Variants in DCAF8L2 observed in about 807,000 individuals in gnomAD.
The protein encoded by DCAF8L2 is DDB1 and CUL4 associated factor 8 like 2.
For missense variants in DCAF8L2, 430 were observed against 490.7 expected, an observed-to-expected ratio of 0.88 and a Z score of 1.17; for synonymous variants, 200 against 190.9, an observed-to-expected ratio of 1.05 and a Z score of -0.39.
intron 1 of DCAF8L2, among the ~76,000 whole-genome samples, chrX:27,612,660 A>C (rs1198129860): frequency 8.9e-6 from 1 of 112,077 alleles, no homozygotes; most frequent in Non-Finnish European, 1.9e-5. Flanking sequence ...AGCTTTCTAC[A>C]TGTGGCTAGC....
At chrX:27,594,530 T>C (rs1269320673) in intron 1 of DCAF8L2, among the ~76,000 whole-genome samples, 1 of 111,855 alleles carries the variant, frequency 8.9e-6, no homozygotes, top group Non-Finnish European at 1.9e-5. Flanking sequence ...ATACTATCAG[T>C]AAATACCTTT....
chrX:27,687,906 GATTTA>G lies in DCAF8L2; in HGVS notation c.-143+9999_-143+10003del, dbSNP rs754415624. ...AGCTGAAACTGTTATTAGAGTTTTAGATTTAATTTGAGTCTATATTTTAATTAAAA... is the reference window on the plus strand; with the variant it reads ...AGCTGAAACTGTTATTAGAGTTTTAGATTTGAGTCTATATTTTAATTAAAA... On this transcript the variant is annotated intron_variant, in intron 3 of 4. Transcript: ENST00000451261. Among the ~76,000 whole-genome samples, 89 of 111,622 alleles carry G rather than the reference GATTTA, an allele frequency of 8.0e-4. 1 individual carries two copies. The highest frequency in any genetic ancestry group is 2.8e-3 in the African/African-American group (85 of 30,786).
the DCAF8L2 span, chrX:27,518,172 G>C: frequency 3.3e-6 from 3 of 899,645 alleles, no homozygotes; most frequent in Non-Finnish European, 4.9e-6. Flanking sequence ...TATATTGCCC[G>C]CCAGAAACTG....
At chrX:27,499,787 GGTC>G in the DCAF8L2 span, among the ~76,000 whole-genome samples, 1 of 110,412 alleles carries the variant, frequency 9.1e-6, no homozygotes, top group African/African-American at 3.3e-5. Flanking sequence ...TGTCCAATCA[GGTC>G]CCACCCGCAA....
intron 2 of DCAF8L2, among the ~76,000 whole-genome samples, chrX:27,663,902 G>A (rs1198430026): frequency 1.0e-5 from 1 of 96,557 alleles, no homozygotes; most frequent in Non-Finnish European, 2.0e-5. Context: ...TAGAGATGGG[G>A]TTTCACCATA....
chrX:27,528,246 C>T, the DCAF8L2 span, among the ~76,000 whole-genome samples: 1 of 106,418 alleles, frequency 9.4e-6, no homozygotes, highest in Non-Finnish European at 1.9e-5. Flanking sequence ...TTATTGAGAC[C>T]GTTGCTCATC....
chrX:27,657,465 A>G (rs1929396306), intron 2 of DCAF8L2, among the ~76,000 whole-genome samples: 1 of 111,692 alleles, frequency 9.0e-6, no homozygotes, highest in Non-Finnish European at 1.9e-5. Context: ...GGATAAAACA[A>G]TGATTGACAC....
chrX:27,477,831 C>A, the DCAF8L2 span, among the ~76,000 whole-genome samples: 1 of 111,736 alleles, frequency 8.9e-6, no homozygotes, highest in Non-Finnish European at 1.9e-5. Context: ...TCAAAGACAA[C>A]TAACAAGCCT....
intron 3 of DCAF8L2, among the ~76,000 whole-genome samples, chrX:27,693,576 CT>C (rs1930787785): frequency 9.1e-6 from 1 of 110,495 alleles, no homozygotes; most frequent in Admixed American, 9.7e-5. Context: ...TAATAATTTC[CT>C]TTTTCAGATG....
chrX:27,685,116 A>G (rs1930457830), intron 3 of DCAF8L2, among the ~76,000 whole-genome samples: 1 of 111,723 alleles, frequency 9.0e-6, no homozygotes, highest in Non-Finnish European at 1.9e-5. Flanking sequence ...CCTCCAATTT[A>G]GAGTATTATA....
chrX:27,658,136 T>C (rs1387378597), intron 2 of DCAF8L2, among the ~76,000 whole-genome samples: 1 of 112,751 alleles, frequency 8.9e-6, no homozygotes, highest in East Asian at 2.8e-4. Flanking sequence ...TGAAGAGGTT[T>C]ACTTGAATCC....
chrX:27,559,348 T>C, the DCAF8L2 span, among the ~76,000 whole-genome samples: 381 of 111,732 alleles, frequency 3.4e-3, 1 homozygote, highest in African/African-American at 0.011. Context: ...GTTGAGGACC[T>C]TTCAGGCAGT....
At chrX:27,482,519 G>A in the DCAF8L2 span, among the ~76,000 whole-genome samples, 1 of 111,497 alleles carries the variant, frequency 9.0e-6, no homozygotes, top group Admixed American at 9.6e-5. Flanking sequence ...TTGTCAAAGT[G>A]TAGGGAATGT....
chrX:27,502,560 T>G, the DCAF8L2 span, among the ~76,000 whole-genome samples: 1 of 106,094 alleles, frequency 9.4e-6, no homozygotes, highest in Admixed American at 1.0e-4. Flanking sequence ...TCTTATGCAA[T>G]TTGCTGATGG....
At chrX:27,487,740 T>C in the DCAF8L2 span, among the ~76,000 whole-genome samples, 1 of 112,364 alleles carries the variant, frequency 8.9e-6, no homozygotes, top group Non-Finnish European at 1.9e-5. Context: ...TTAACAATAC[T>C]ACCATAGCAA....
chrX:27,626,093 C>T (rs746885399), intron 1 of DCAF8L2, among the ~76,000 whole-genome samples: 21 of 111,613 alleles, frequency 1.9e-4, no homozygotes, highest in Non-Finnish European at 2.8e-4. Flanking sequence ...AGCCCAAGAT[C>T]TGAGTTCCCT....
chrX:27,732,614 ATTTCT>A (rs1921276179), intron 4 of DCAF8L2, among the ~76,000 whole-genome samples: 1 of 110,378 alleles, frequency 9.1e-6, no homozygotes, highest in Admixed American at 9.8e-5. Flanking sequence ...CTCTATCAAA[ATTTCT>A]TTAAGCATTC....
intron 3 of DCAF8L2, among the ~76,000 whole-genome samples, chrX:27,681,346 A>G (rs1165714538): frequency 9.0e-6 from 1 of 111,463 alleles, no homozygotes; most frequent in Non-Finnish European, 1.9e-5. Flanking sequence ...GAGACAGGGA[A>G]TAGGTCTGAC....
At chrX:27,567,634 C>G in the DCAF8L2 span, among the ~76,000 whole-genome samples, 1 of 83,055 alleles carries the variant, frequency 1.2e-5, no homozygotes, top group African/African-American at 4.5e-5. Context: ...ATTTAAAGAC[C>G]TAAATTAACT....
Sources: gnomAD v4.1 joint callset for allele counts (sites outside exome capture counted in the v4.1 genomes callset) on GRCh38, gnomAD v4.1.1 for gene constraint, MANE v1.5 for transcripts, NCBI Gene and HGNC (gene_info 2026-07-23, HGNC 2026-07-21) for gene names.